Variants in WWOX observed in about 807,000 individuals in gnomAD.
The protein encoded by WWOX is WW domain containing oxidoreductase.
In WWOX, 69 loss-of-function variants were observed where a neutral mutation model predicts 46.2. The ratio of observed to expected loss-of-function variants is 1.49; its 90% CI spans 1.23 to 1.82. WWOX has a LOEUF of 1.82. Among genes scored for constraint, WWOX ranks in the 40% most tolerant of loss-of-function variants. The pLI is 0.00. For synonymous variants in WWOX, 359 were observed against 202.6 expected (o/e 1.77, Z -6.56); for missense variants, 919 against 542.6 (o/e 1.69, Z -6.89).
chr16:79,203,231 T>C (rs1473250815), intron 8 of WWOX: 4 of 152,174 alleles, frequency 2.6e-5, no homozygotes, highest in Non-Finnish European at 5.9e-5. Context: ...GTAATATAAA[T>C]GAGACACTCT....
At chr16:78,900,458 T>C (rs918214249) in intron 8 of WWOX, among the ~76,000 whole-genome samples, 1 of 152,234 alleles carries the variant, frequency 6.6e-6, no homozygotes, top group Non-Finnish European at 1.5e-5. Flanking sequence ...AGGAAAGTGA[T>C]TCATGAAACA....
intron 8 of WWOX, among the ~76,000 whole-genome samples, chr16:79,156,835 T>G (rs964652068): frequency 4.6e-5 from 7 of 152,028 alleles, no homozygotes; most frequent in African/African-American, 1.7e-4. Flanking sequence ...AAAGAAGACC[T>G]TTTATTTCAT....
chr16:78,957,556 T>C (rs2046192509), intron 8 of WWOX, among the ~76,000 whole-genome samples: 1 of 152,148 alleles, frequency 6.6e-6, no homozygotes, highest in South Asian at 2.1e-4. Context: ...TAATCTCGGG[T>C]CTTCTTTCTG....
intron 8 of WWOX, among the ~76,000 whole-genome samples, chr16:78,578,390 C>T (rs1475356328): frequency 4.1e-5 from 6 of 145,254 alleles, no homozygotes; most frequent in East Asian, 2.1e-4. Flanking sequence ...CCCGGGTTCA[C>T]GCCATTCTCC....
Position 78,883,518 on chromosome 16 carries a change from G to C in WWOX, c.1057-328090G>C, listed in dbSNP as rs57185396. On this transcript the variant is annotated intron_variant, in intron 8 of 8. Coordinates refer to ENST00000566780, the MANE Select transcript of WWOX (RefSeq NM_016373.4). ...GCAAGCTGATCACTTGAGGTCAGGA[G>C]TTCGAGACCAGCCTGGCGAACATGG... is the stretch of plus-strand genomic sequence containing the variant. 6.7e-3 allele frequency among the ~76,000 whole-genome samples: 1,016 copies of C among 152,262 alleles called. 7 individuals carry two copies. The highest frequency in any genetic ancestry group is 0.023 in the African/African-American group (944 of 41,554).
At chr16:78,606,944 A>C (rs2151625337) in intron 8 of WWOX, among the ~76,000 whole-genome samples, 1 of 152,124 alleles carries the variant, frequency 6.6e-6, no homozygotes, top group Admixed American at 6.5e-5. Context: ...CTGATTAATT[A>C]TGTCCAATGA....
At chr16:78,355,396 A>C in intron 5 of WWOX, 1 of 247,236 alleles carries the variant, frequency 4.0e-6, no homozygotes, top group South Asian at 4.9e-5. Context: ...AGGTCAGGAG[A>C]TCGAGACCAT....
chr16:78,841,763 C>T (rs920108293), intron 8 of WWOX, among the ~76,000 whole-genome samples: 1 of 152,024 alleles, frequency 6.6e-6, no homozygotes, highest in Admixed American at 6.6e-5. Context: ...ATTTTATTGT[C>T]AATTATGTTT....
intron 8 of WWOX, among the ~76,000 whole-genome samples, chr16:78,872,153 G>T (rs1394573): frequency 0.68 from 103,214 of 152,032 alleles, 35,426 homozygotes; most frequent in Middle Eastern, 0.82. Flanking sequence ...TATAATTGCA[G>T]GTACTTTTAG....
intron 8 of WWOX, among the ~76,000 whole-genome samples, chr16:78,512,078 C>G (rs2085375951): frequency 6.6e-6 from 1 of 152,146 alleles, no homozygotes; most frequent in Admixed American, 6.5e-5. Context: ...ATCCAAGATT[C>G]TAAACTTAGC....
At chr16:79,032,290 ACT>A (rs909323840) in intron 8 of WWOX, among the ~76,000 whole-genome samples, 21 of 145,564 alleles carry the variant, frequency 1.4e-4, no homozygotes, top group Admixed American at 4.9e-4. Flanking sequence ...TATATAATAG[ACT>A]CTATAATGTA....
intron 5 of WWOX, among the ~76,000 whole-genome samples, chr16:78,231,963 G>C (rs1001112376): frequency 3.3e-5 from 5 of 152,082 alleles, no homozygotes; most frequent in African/African-American, 1.2e-4. Context: ...AGTCTTGACT[G>C]CCTGCTATGG....
At chr16:78,422,694 C>CATATATATATAT (rs1597211383) in intron 6 of WWOX, among the ~76,000 whole-genome samples, 3 of 30,248 alleles carry the variant, frequency 9.9e-5, no homozygotes, top group African/African-American at 1.6e-4. Flanking sequence ...TACACACACA[C>CATATATATATAT]ACACACATAT....
intron 5 of WWOX, among the ~76,000 whole-genome samples, chr16:78,174,256 A>G (rs941748986): frequency 5.9e-5 from 9 of 152,214 alleles, no homozygotes; most frequent in African/African-American, 1.4e-4. Context: ...CACTTCTTAT[A>G]TGGTGTCAGC....
intron 8 of WWOX, among the ~76,000 whole-genome samples, chr16:78,800,383 C>G (rs922243219): frequency 6.6e-6 from 1 of 152,082 alleles, no homozygotes; most frequent in Non-Finnish European, 1.5e-5. Context: ...AATAGAGTGA[C>G]CAGCTGTCGT....
At chr16:78,456,924 G>T (rs1336218367) in intron 8 of WWOX, among the ~76,000 whole-genome samples, 3 of 152,232 alleles carry the variant, frequency 2.0e-5, no homozygotes, top group Non-Finnish European at 4.4e-5. Context: ...TCACCCTTAT[G>T]AAGAGTTACT....
intron 8 of WWOX, among the ~76,000 whole-genome samples, chr16:78,773,919 A>G (rs59676961): frequency 0.029 from 4,441 of 152,278 alleles, 251 homozygotes; most frequent in African/African-American, 0.1. Flanking sequence ...AATTTAACAC[A>G]GTTTTCCCAG....
intron 8 of WWOX, among the ~76,000 whole-genome samples, chr16:78,819,645 A>C (rs1017499481): frequency 1.3e-5 from 2 of 152,172 alleles, no homozygotes; most frequent in Non-Finnish European, 2.9e-5. Context: ...CCCTTCAATA[A>C]AAGTTGCTAA....
At chr16:78,951,407 C>G (rs901894990) in intron 8 of WWOX, among the ~76,000 whole-genome samples, 1 of 152,130 alleles carries the variant, frequency 6.6e-6, no homozygotes, top group Admixed American at 6.5e-5. Flanking sequence ...ATCATTGAGC[C>G]AATCACCGTC....
Sources: gnomAD v4.1 joint callset for allele counts (sites outside exome capture counted in the v4.1 genomes callset) on GRCh38, gnomAD v4.1.1 for gene constraint, MANE v1.5 for transcripts, NCBI Gene and HGNC (gene_info 2026-07-23, HGNC 2026-07-21) for gene names.